Variants in KIAA0232 observed in about 807,000 individuals in gnomAD.
KIAA0232 encodes the protein KIAA0232.
KIAA0232 carries 27 observed loss-of-function variants against 122.0 expected under a neutral mutation model. The ratio of observed to expected loss-of-function variants is 0.22; its 90% CI spans 0.16 to 0.31. The LOEUF is 0.31. Among genes scored for constraint, KIAA0232 ranks in the 10% least tolerant of loss-of-function variants. The pLI, the probability that KIAA0232 is intolerant of heterozygous loss-of-function variation, is 1.00. For synonymous variants in KIAA0232, 613 were observed against 587.6 expected, an observed-to-expected ratio of 1.04 and a Z score of -0.63; for missense variants, 1,551 against 1,634.2, an observed-to-expected ratio of 0.95 and a Z score of 0.88.
intron 1 of KIAA0232, among the ~76,000 whole-genome samples, chr4:6,798,981 G>T (rs1430504968): frequency 6.6e-6 from 1 of 152,164 alleles, no homozygotes; most frequent in Non-Finnish European, 1.5e-5. Flanking sequence ...AAACTTTGAT[G>T]GATGGCTTTT....
intron 2 of KIAA0232, among the ~76,000 whole-genome samples, chr4:6,817,135 G>A (rs900011570): frequency 6.6e-6 from 1 of 152,128 alleles, no homozygotes; most frequent in African/African-American, 2.4e-5. Flanking sequence ...TGAAAACTGA[G>A]ATCATTGATT....
intron 3 of KIAA0232, among the ~76,000 whole-genome samples, chr4:6,837,317 C>T (rs895875838): frequency 1.4e-5 from 2 of 146,576 alleles, no homozygotes; most frequent in South Asian, 2.2e-4. Context: ...CAAATGGGGT[C>T]GCGGCTGGGC....
chr4:6,858,325 T>C (rs2108787594), intron 5 of KIAA0232, 100 bp from the exon 6 acceptor site: 1 of 663,186 alleles, frequency 1.5e-6, no homozygotes, highest in Non-Finnish European at 2.5e-6. Flanking sequence ...AGCACCAAAG[T>C]CTCTATTTCT....
At chr4:6,833,181 C>T (rs754504780) in intron 3 of KIAA0232, among the ~76,000 whole-genome samples, 4 of 152,170 alleles carry the variant, frequency 2.6e-5, no homozygotes, top group Admixed American at 6.5e-5. Context: ...GACCATAAAG[C>T]GCTCCTCGTG....
At chr4:6,835,383 G>A (rs1029195110) in intron 3 of KIAA0232, among the ~76,000 whole-genome samples, 1 of 152,068 alleles carries the variant, frequency 6.6e-6, no homozygotes, top group African/African-American at 2.4e-5. Context: ...CTCTGTCAAG[G>A]TTTGGTTTCA....
intron 2 of KIAA0232, among the ~76,000 whole-genome samples, chr4:6,823,427 C>A (rs1446957467): frequency 2.6e-5 from 4 of 152,120 alleles, no homozygotes; most frequent in Non-Finnish European, 5.9e-5. Context: ...TTCTCCACAT[C>A]CTCTCCAGCA....
At chr4:6,865,881 T>C (rs1721149844) in intron 7 of KIAA0232, among the ~76,000 whole-genome samples, 1 of 152,224 alleles carries the variant, frequency 6.6e-6, no homozygotes, top group Non-Finnish European at 1.5e-5. Flanking sequence ...GATTGCATTT[T>C]TCATTTCTCA....
intron 2 of KIAA0232, among the ~76,000 whole-genome samples, chr4:6,805,016 CCTG>C (rs1396409449): frequency 1.3e-5 from 2 of 152,258 alleles, no homozygotes; most frequent in Admixed American, 1.3e-4. Flanking sequence ...CTGCAATAAA[CCTG>C]CTCTTGTTTC....
At position 6,861,298 on chromosome 4, in the gene KIAA0232, T is replaced by C; in HGVS notation, c.916T>C (p.Leu306=). The C allele has an allele frequency of 6.2e-7, 1 of 1,614,088 alleles. No individual in the cohort carries two copies. Among genetic ancestry groups the C allele is most frequent in the Non-Finnish European group, 8.5e-7 (1 of 1,180,034 alleles). ...AAGTTCCAGTGGGAATCAGGGAGAA[T>C]TAAAAGCATCCATGAAGTATGTTAA... ...GSSSSGNQGE[L]KASMKYVKVR... The change falls in exon 7 of 10, where the codon TTA becomes CTA. Residue 306 remains leucine (L), a synonymous_variant. Coordinates refer to ENST00000307659, the MANE Select transcript of KIAA0232 (RefSeq NM_014743.3).
chr4:6,866,149 C>T, intron 7 of KIAA0232: 3 of 818,840 alleles, frequency 3.7e-6, no homozygotes, highest in Non-Finnish European at 4.4e-6. Context: ...ATTTTTCATC[C>T]TTAAATATTC....
At chr4:6,840,753 C>T (rs1017548056) in intron 3 of KIAA0232, among the ~76,000 whole-genome samples, 2 of 149,910 alleles carry the variant, frequency 1.3e-5, no homozygotes, top group African/African-American at 2.5e-5. Flanking sequence ...CTCCTAACCT[C>T]GTGATCCACC....
chr4:6,846,313 C>T (rs1012054741), intron 4 of KIAA0232, among the ~76,000 whole-genome samples: 5 of 152,068 alleles, frequency 3.3e-5, no homozygotes, highest in South Asian at 2.1e-4. Context: ...CAGGTGTCCC[C>T]GACCCCCGGG....
intron 2 of KIAA0232, among the ~76,000 whole-genome samples, chr4:6,816,555 TACAGGCGTGA>T (rs1161235467): frequency 6.6e-6 from 1 of 152,236 alleles, no homozygotes; most frequent in African/African-American, 2.4e-5. Context: ...GTGCTGGGAT[TACAGGCGTGA>T]GCCACCTCGC....
intron 3 of KIAA0232, among the ~76,000 whole-genome samples, chr4:6,836,336 GT>G (rs572669996): frequency 1.1e-3 from 147 of 136,206 alleles, no homozygotes; most frequent in East Asian, 3.0e-3. Context: ...TTTTTGTTTT[GT>G]TTTTTTTTTT....
At position 6,862,422 on chromosome 4, in the gene KIAA0232, G is replaced by A; in HGVS notation, c.2040G>A (p.Met680Ile). The change falls in exon 7 of 10, where the codon ATG becomes ATA. Residue 680 changes from methionine (M) to isoleucine (I), a missense_variant. Around this residue, in one of 5 missense-constraint regions of KIAA0232, gnomAD observed 1,108 missense variants for 1,154.8 expected, o/e 0.96. Transcript: ENST00000307659. ...GNENTDSSANMLGKTQSRLLI... is the reference protein window; with the variant it reads ...GNENTDSSANILGKTQSRLLI... ...AAAATACAGATTCTAGTGCTAATAT[G>A]CTTGGGAAAACACAGTCTAGATTGC... 1 of 1,614,102 alleles carries A rather than the reference G, an allele frequency of 6.2e-7. No homozygotes were observed. The highest frequency in any genetic ancestry group is 8.5e-7 in the Non-Finnish European group (1 of 1,179,994).
intron 2 of KIAA0232, among the ~76,000 whole-genome samples, chr4:6,804,971 G>A (rs888808835): frequency 7.2e-6 from 1 of 138,980 alleles, no homozygotes; most frequent in African/African-American, 2.8e-5. Flanking sequence ...GGAGGTTCCG[G>A]GTGCATATTA....
chr4:6,850,903 C>G (rs1326808227), intron 4 of KIAA0232, among the ~76,000 whole-genome samples: 7 of 152,266 alleles, frequency 4.6e-5, no homozygotes, highest in East Asian at 3.9e-4. Flanking sequence ...CTCTTGACCT[C>G]GTGATCCGCC....
chr4:6,837,667 C>T (rs1234537189), intron 3 of KIAA0232, among the ~76,000 whole-genome samples: 1 of 152,248 alleles, frequency 6.6e-6, no homozygotes, highest in Non-Finnish European at 1.5e-5. Flanking sequence ...ATCCCGGCAC[C>T]TCGGGAGGCC....
chr4:6,823,563 T>G (rs1245650872), intron 2 of KIAA0232, among the ~76,000 whole-genome samples: 1 of 152,206 alleles, frequency 6.6e-6, no homozygotes, highest in Non-Finnish European at 1.5e-5. Flanking sequence ...AGTAATTGAT[T>G]ACTTATATAA....
Sources: gnomAD v4.1 joint callset for allele counts (sites outside exome capture counted in the v4.1 genomes callset) on GRCh38, gnomAD v4.1.1 for gene constraint, gnomAD v4.1.1 regional missense constraint, MANE v1.5 for transcripts, NCBI Gene and HGNC (gene_info 2026-07-23, HGNC 2026-07-21) for gene names.